Variants in PCDHGB5 observed in about 807,000 individuals in gnomAD.
PCDHGB5 encodes the protein protocadherin gamma subfamily B, 5, also known as protocadherin gamma-B5.
Under a neutral mutation model 62.9 loss-of-function variants are expected in PCDHGB5, and 48 were observed. The ratio of observed to expected loss-of-function variants is 0.76; its 90% confidence interval spans 0.61 to 0.97. PCDHGB5 has a LOEUF of 0.97. PCDHGB5 is among the 50% of genes least tolerant of loss of function. The probability of loss-of-function intolerance (pLI) is 0.00; values close to 1 mark genes in which losing one functional copy is unlikely to be tolerated. For missense variants in PCDHGB5, 1,118 were observed against 1,198.6 expected (o/e 0.93, Z 0.99); for synonymous variants, 474 against 511.2 (o/e 0.93, Z 0.98).
chr5:141,419,522 C>A, intron 1 of PCDHGB5: 4 of 1,612,178 alleles, frequency 2.5e-6, no homozygotes, highest in Non-Finnish European at 3.4e-6. Context: ...GGTGGGCGAC[C>A]GTAACGACAA....
At chr5:141,443,392 T>A (rs151260637) in intron 1 of PCDHGB5, among the ~76,000 whole-genome samples, 1 of 151,662 alleles carries the variant, frequency 6.6e-6, no homozygotes, top group Non-Finnish European at 1.5e-5. Context: ...GGCTGAGGTG[T>A]GAGGATCACC....
intron 1 of PCDHGB5, chr5:141,415,949 C>T (rs369226000): frequency 6.5e-4 from 320 of 496,036 alleles, no homozygotes; most frequent in African/African-American, 5.9e-3. Context: ...TGGGTGGTCA[C>T]ATATTGAAAC....
At chr5:141,448,602 A>G (rs1350132402) in intron 1 of PCDHGB5, among the ~76,000 whole-genome samples, 1 of 152,154 alleles carries the variant, frequency 6.6e-6, no homozygotes, top group Non-Finnish European at 1.5e-5. Flanking sequence ...AAAATACTAT[A>G]CACCACTTTA....
In PCDHGB5 at chr5:141,454,484, G is replaced by A. The variant is rs555881095; in HGVS notation, c.2398-40323G>A. On this transcript the variant is annotated intron_variant, in intron 1 of 3. Transcript: ENST00000617380. The stretch of plus-strand genomic sequence containing the variant: ...TGCAATGGCATGATCTCAGCTCACC[G>A]CAACCTCCACCTCCTGGATTCAGGC... Among the ~76,000 whole-genome samples, 7 of 152,218 alleles carry A rather than the reference G, an allele frequency of 4.6e-5. No individual in the cohort carries two copies. In the East Asian group the frequency reaches 7.7e-4, roughly 17 times the overall value.
At position 141,398,506 on chromosome 5, in the gene PCDHGB5, A is replaced by G. The variant is rs2093664607; in HGVS notation, c.379A>G (p.Asn127Asp). 6.2e-7 allele frequency: 1 copy of G among 1,601,998 alleles called. No homozygotes were observed. The highest frequency in any genetic ancestry group is 1.1e-5 in the South Asian group (1 of 90,610). Residue 127 changes from asparagine (N) to aspartate (D), a missense_variant, in exon 1 of 4, where the codon AAT (asparagine) becomes GAT (aspartate). By Grantham distance (23) the Asn-to-Asp change is conservative (BLOSUM62 1). Around this residue, in one of 2 missense-constraint regions of PCDHGB5, gnomAD observed 1,034 missense variants for 1,029.1 expected, o/e 1.00. Transcript: ENST00000617380. ...YHVNVEIEDINDHTPKFTQNS... is the reference protein window; with the variant it reads ...YHVNVEIEDIDDHTPKFTQNS... ...CGTGAATGTGGAGATCGAGGACATT[A>G]ATGACCACACGCCAAAATTCACGCA... is the stretch of plus-strand genomic sequence containing the variant.
At chr5:141,414,099 A>C in intron 1 of PCDHGB5, 3 of 1,593,504 alleles carry the variant, frequency 1.9e-6, no homozygotes, top group Non-Finnish European at 8.5e-7. Flanking sequence ...TAAAAATATC[A>C]GAAAATCTAG....
At position 141,491,168 on chromosome 5, in the gene PCDHGB5, A is replaced by T. The variant is rs1293664414; in HGVS notation, c.2398-3639A>T. On this transcript the variant is annotated intron_variant, in intron 1 of 3. Transcript: ENST00000617380. This position sits in a 1 kb window ranked among gnomAD's most constrained non-coding sequence, Gnocchi z 6.9. ...CTGGAGGATGACTCTGACACCCAGC[A>T]GGTGGTGGTCCTGGTGAGGGACAAT... 3.1e-6 allele frequency: 5 copies of T among 1,614,160 alleles called. No individual in the cohort carries two copies. The highest frequency in any genetic ancestry group is 4.2e-6 in the Non-Finnish European group (5 of 1,179,988).
At chr5:141,401,129 G>A (rs1327832164) in intron 1 of PCDHGB5, among the ~76,000 whole-genome samples, 3 of 152,168 alleles carry the variant, frequency 2.0e-5, no homozygotes, top group African/African-American at 7.2e-5. Context: ...GGATCACATG[G>A]TCAGGAGTTC....
At chr5:141,413,035 C>A (rs1481573261) in intron 1 of PCDHGB5, 2 of 800,134 alleles carry the variant, frequency 2.5e-6, no homozygotes, top group African/African-American at 1.7e-5. Context: ...AAACCGGCTG[C>A]TGGGCTGCAG....
At chr5:141,463,324 T>C (rs1413608053) in intron 1 of PCDHGB5, among the ~76,000 whole-genome samples, 1 of 150,722 alleles carries the variant, frequency 6.6e-6, no homozygotes, top group Non-Finnish European at 1.5e-5. Context: ...ATTCCTCAAC[T>C]CAGCAAAACC....
Position 141,476,745 on chromosome 5 carries a change from T to C in PCDHGB5, c.2398-18062T>C, listed in dbSNP as rs1372622323. 6.2e-7 allele frequency: 1 copy of C among 1,613,958 alleles called. No individual in the cohort carries two copies. On this transcript the variant is annotated intron_variant, in intron 1 of 3. Coordinates refer to ENST00000617380, the MANE Select transcript of PCDHGB5 (RefSeq NM_018925.3). This position sits in a 1 kb window ranked among gnomAD's most constrained non-coding sequence, Gnocchi z 7.6. The stretch of plus-strand genomic sequence containing the variant: ...CTGGACCGAGAACGGGAGCCTAGTC[T>C]CCAGTTAGTGCTGACGGCGTTGGAC...
At chr5:141,421,300 C>A (rs377161386) in intron 1 of PCDHGB5, 2 of 1,613,320 alleles carry the variant, frequency 1.2e-6, no homozygotes, top group African/African-American at 1.3e-5. Context: ...GGGGACGCTG[C>A]GGGGGTTCCG....
At position 141,460,912 on chromosome 5, in the gene PCDHGB5, G is replaced by GTGTATATA. The variant is rs145509489; in HGVS notation, c.2398-33894_2398-33893insGTATATAT. ...TCGTGGCTGAGTAATATTCCATGGTGTATATATATATATGTGTGTGTGTAT... is the reference window on the plus strand; with the variant it reads ...TCGTGGCTGAGTAATATTCCATGGTGTGTATATATATATATATATATGTGTGTGTGTAT... On this transcript the variant is annotated intron_variant, in intron 1 of 3. Transcript: ENST00000617380. Among the ~76,000 whole-genome samples the GTGTATATA allele has an allele frequency of 5.0e-3, 740 of 149,316 alleles. 4 individuals are homozygous for GTGTATATA. The highest frequency in any genetic ancestry group is 0.015 in the African/African-American group (617 of 40,618).
intron 1 of PCDHGB5, among the ~76,000 whole-genome samples, chr5:141,472,400 G>A (rs2099279115): frequency 6.6e-6 from 1 of 152,024 alleles, no homozygotes; most frequent in East Asian, 1.9e-4. Flanking sequence ...AATTAGCCAG[G>A]CGTGGTGGCA....
Position 141,491,478 on chromosome 5 carries a change from C to A in PCDHGB5, c.2398-3329C>A. ...CCCCGGACTTCTATAAGCAGTCCAG[C>A]CCCAACCTGCAGGTGAGCTCGGACG... On this transcript the variant is annotated intron_variant, in intron 1 of 3. Coordinates refer to ENST00000617380, the MANE Select transcript of PCDHGB5 (RefSeq NM_018925.3). The surrounding 1 kb of genome is among the most constrained non-coding windows in gnomAD (Gnocchi z 6.9). 6.2e-7 allele frequency: 1 copy of A among 1,614,068 alleles called. No individual in the cohort carries two copies. Among genetic ancestry groups the A allele is most frequent in the Non-Finnish European group, 8.5e-7 (1 of 1,180,004 alleles).
intron 1 of PCDHGB5, among the ~76,000 whole-genome samples, chr5:141,433,989 T>C (rs898601470): frequency 6.6e-6 from 1 of 152,248 alleles, no homozygotes; most frequent in Non-Finnish European, 1.5e-5. Context: ...AGAAGAGTTT[T>C]ATATTCTCTA....
At chr5:141,406,346 G>T (rs1296474677) in intron 1 of PCDHGB5, among the ~76,000 whole-genome samples, 2 of 152,092 alleles carry the variant, frequency 1.3e-5, no homozygotes, top group Non-Finnish European at 2.9e-5. Flanking sequence ...ATTTATTCAG[G>T]TCATACTATG....
intron 1 of PCDHGB5, chr5:141,430,555 TC>T (rs1232264614): frequency 9.7e-6 from 4 of 411,788 alleles, no homozygotes; most frequent in Non-Finnish European, 1.3e-5. Flanking sequence ...TGTTCACCAA[TC>T]GGGGAGAGAA....
At chr5:141,402,947 G>A in intron 1 of PCDHGB5, 1 of 1,592,724 alleles carries the variant, frequency 6.3e-7, no homozygotes, top group South Asian at 1.1e-5. Flanking sequence ...CCAAAGCGAG[G>A]CAGCAATGGC....
Sources: allele counts gnomAD v4.1 joint callset (sites outside exome capture counted in the v4.1 genomes callset), GRCh38; gene constraint gnomAD v4.1.1; regional missense constraint gnomAD v4.1.1; non-coding constraint Gnocchi (gnomAD v3.1); transcripts MANE v1.5; gene names NCBI Gene and HGNC (gene_info 2026-07-23, HGNC 2026-07-21).